Variants in DAZAP2 observed in about 807,000 individuals in gnomAD.
DAZAP2 encodes DAZ-associated protein 2.
Under a neutral mutation model 16.2 loss-of-function variants are expected in DAZAP2, and 3 were observed. The ratio of observed to expected loss-of-function variants is 0.19; its 90% CI spans 0.08 to 0.48. The LOEUF is 0.48. Ranked by LOEUF, DAZAP2 falls within the 20% of genes least tolerant of loss-of-function variation. DAZAP2 has a pLI of 0.98. For missense variants in DAZAP2, 172 were observed against 215.9 expected (o/e 0.80, Z 1.27); for synonymous variants, 69 against 77.6 (o/e 0.89, Z 0.58).
At chr12:51,238,998 C>T in intron 1 of DAZAP2, 78 bp downstream of exon 1, 1 of 1,586,874 alleles carries the variant, frequency 6.3e-7, no homozygotes, top group Non-Finnish European at 8.6e-7. Context: ...CCCAGGGTCA[C>T]CAAACGCCAG....
chr12:51,245,964 C>T (rs774272044), downstream of DAZAP2: 3 of 1,613,748 alleles, frequency 1.9e-6, no homozygotes, highest in Non-Finnish European at 2.5e-6. Flanking sequence ...TCCTCTTTCT[C>T]GCTGCCCTTG....
chr12:51,243,545 A>C lies in DAZAP2; in HGVS notation c.*1087A>C. On this transcript the variant is annotated 3_prime_UTR_variant, in exon 4 of 4. Coordinates refer to ENST00000412716, the MANE Select transcript of DAZAP2 (RefSeq NM_014764.4). ...GTTTAAGAATATTTCAGGGATCCTT[A>C]ATGTTTTGATTTTTGTTTTCTGAAA... 4 of 985,720 alleles carry C rather than the reference A, an allele frequency of 4.1e-6. No individual in the cohort carries two copies. Among genetic ancestry groups the C allele is most frequent in the Non-Finnish European group, 4.8e-6 (4 of 829,912 alleles). The allele number at this position is 985,720 out of a possible 1,614,324, so 61.1% of individuals were successfully genotyped here.
intron 1 of DAZAP2, chr12:51,239,123 T>A: frequency 1.4e-6 from 1 of 712,610 alleles, no homozygotes; most frequent in Non-Finnish European, 2.2e-6. Context: ...CTTTCCTCCG[T>A]AAACTCTGTG....
Position 51,240,863 on chromosome 12 carries a change from T to A in DAZAP2, c.133-8T>A. ...GTAACATTTTGCCTTCTCTTCTGCC[T>A]CTTCTAGCTCTATCGTCCGAGCTTT... is the stretch of plus-strand genomic sequence containing the variant. On this transcript the variant is annotated splice_polypyrimidine_tract_variant and splice_region_variant and intron_variant, in intron 2 of 3. Coordinates refer to ENST00000412716, the MANE Select transcript of DAZAP2 (RefSeq NM_014764.4). 6.2e-7 allele frequency: 1 copy of A among 1,610,282 alleles called. No homozygotes were observed. Among genetic ancestry groups the A allele is most frequent in the Non-Finnish European group, 8.5e-7 (1 of 1,176,944 alleles).
chr12:51,240,843 A>AT, intron 2 of DAZAP2, 28 bp from the exon 3 acceptor site: 4 of 1,605,248 alleles, frequency 2.5e-6, no homozygotes, highest in Non-Finnish European at 2.6e-6. Context: ...ATAAAGTAAC[A>AT]TTTTGCCTTC....
intron 3 of DAZAP2, 68 bp downstream of exon 3, chr12:51,241,184 T>G (rs1440533658): frequency 1.1e-5 from 18 of 1,578,040 alleles, no homozygotes; most frequent in Non-Finnish European, 1.5e-5. Context: ...GACTTCATAT[T>G]CATTCTCTTA....
rs751901959 is a variant in DAZAP2, at chr12:51,242,323, C to G, written c.379-7C>G. ...TGTGCCCATTCTATCATGTCATTTC[C>G]TTTCAGCCTCCACCTCCTGGATGCC... On this transcript the variant is annotated splice_polypyrimidine_tract_variant and splice_region_variant and intron_variant, in intron 3 of 3. Coordinates refer to ENST00000412716, the MANE Select transcript of DAZAP2 (RefSeq NM_014764.4). 4 of 1,579,854 alleles carry G rather than the reference C, an allele frequency of 2.5e-6. No individual in the cohort carries two copies. The highest frequency in any genetic ancestry group is 8.6e-7 in the Non-Finnish European group (1 of 1,163,410).
intron 3 of DAZAP2, 82 bp from the exon 4 acceptor site, chr12:51,242,248 C>CT: frequency 6.6e-7 from 1 of 1,504,368 alleles, no homozygotes; most frequent in Non-Finnish European, 8.8e-7. Flanking sequence ...TTGCCTCATC[C>CT]TAACAGGCCT....
At chr12:51,240,489 A>G in intron 2 of DAZAP2, 28 bp downstream of exon 2, 1 of 1,560,394 alleles carries the variant, frequency 6.4e-7, no homozygotes, top group Non-Finnish European at 8.8e-7. Context: ...GATTTGAACT[A>G]GCTGGGAATA....
downstream of DAZAP2, chr12:51,245,677 C>T: frequency 2.3e-6 from 1 of 425,870 alleles, no homozygotes. Flanking sequence ...TCAGATGTCC[C>T]CTGGCATAGC....
In DAZAP2 at chr12:51,243,820, T is replaced by TA. The variant is rs987127853; in HGVS notation, c.*1363dup. On this transcript the variant is annotated 3_prime_UTR_variant, in exon 4 of 4. Transcript: ENST00000412716. Reference sequence around the variant, plus strand: ...AAGGATTCTTTACTTAGCTTGTTTTTAGATTTCTTCTATATATATTTTATT... The same window carrying TA: ...AAGGATTCTTTACTTAGCTTGTTTTTAAGATTTCTTCTATATATATTTTATT... 1.4e-5 allele frequency: 14 copies of TA among 984,900 alleles called. No individual in the cohort carries two copies. The African/African-American group carries it at 2.4e-4, about 17-fold the overall frequency. The allele number at this position is 984,900 out of a possible 1,614,324, so 61.0% of individuals were successfully genotyped here. A position where few individuals can be genotyped will look rare whatever the true frequency, so the allele number is the denominator to read the frequency against.
At chr12:51,239,788 CAA>C (rs1190426746) in intron 1 of DAZAP2, 1 of 153,782 alleles carries the variant, frequency 6.5e-6, no homozygotes, top group Non-Finnish European at 1.4e-5. Flanking sequence ...TCAGAACAAA[CAA>C]AAAACCAAAC....
intron 1 of DAZAP2, chr12:51,239,926 C>G (rs1052566394): frequency 1.6e-5 from 3 of 185,134 alleles, no homozygotes; most frequent in African/African-American, 2.4e-5. Flanking sequence ...GAATAGTAAT[C>G]TGTAAGGAAA....
intron 1 of DAZAP2, chr12:51,239,376 AC>A (rs1944620959): frequency 5.8e-6 from 1 of 171,512 alleles, no homozygotes; most frequent in Non-Finnish European, 1.3e-5. Context: ...CCCTTCGCTG[AC>A]GGGATCAGAA....
chr12:51,239,258 C>T, intron 1 of DAZAP2: 1 of 301,232 alleles, frequency 3.3e-6, no homozygotes, highest in Non-Finnish European at 6.2e-6. Context: ...AGGCGGGGCG[C>T]CGCGCTCCGG....
chr12:51,240,549 A>G (rs1346589250), intron 2 of DAZAP2, 88 bp downstream of exon 2: 1 of 1,201,342 alleles, frequency 8.3e-7, no homozygotes, highest in Non-Finnish European at 1.2e-6. Context: ...TCACATATTT[A>G]CTCTTCACAA....
chr12:51,243,420 CCACT>C lies in DAZAP2; in HGVS notation c.*965_*968del. 1 of 985,770 alleles carries C rather than the reference CCACT, an allele frequency of 1.0e-6. No homozygotes were observed. Among genetic ancestry groups the C allele is most frequent in the Non-Finnish European group, 1.2e-6 (1 of 829,938 alleles). The allele number at this position is 985,770 out of a possible 1,614,324, so 61.1% of individuals were successfully genotyped here. A position where few individuals can be genotyped will look rare whatever the true frequency, so the allele number is the denominator to read the frequency against. On this transcript the variant is annotated 3_prime_UTR_variant, in exon 4 of 4. Transcript: ENST00000412716. ...TTTTTTGTCAGAGTGTCTGATGCGG[CCACT>C]CATTCGGCTCCCCAGAATTCCTAGA...
chr12:51,241,000 C>A lies in DAZAP2; in HGVS notation c.262C>A (p.Pro88Thr). The A allele has an allele frequency of 6.2e-7, 1 of 1,614,172 alleles. No individual in the cohort carries two copies. The highest frequency in any genetic ancestry group is 8.5e-7 in the Non-Finnish European group (1 of 1,180,036). ...TGTTGGGCCTTTAGGTTCCACAATC[C>A]CCATGGCTTATTATCCAGTCGGTCC... ...VAVGPLGSTI[P>T]MAYYPVGPIY... The change falls in exon 3 of 4, where the codon CCC becomes ACC. Residue 88 changes from proline (P) to threonine (T), a missense_variant. Transcript: ENST00000412716.
At chr12:51,244,600 A>T (rs1009122776), downstream of DAZAP2, 1 of 152,236 alleles carries the variant, frequency 6.6e-6, no homozygotes, top group Non-Finnish European at 1.5e-5. Flanking sequence ...CAAAGTGAAC[A>T]ATATCTGATG....
Sources: allele counts gnomAD v4.1 joint callset, GRCh38; gene constraint gnomAD v4.1.1; transcripts MANE v1.5; gene names NCBI Gene and HGNC (gene_info 2026-07-23, HGNC 2026-07-21).